Variants in SS18 observed in about 807,000 individuals in gnomAD.
The protein encoded by SS18 is SS18 subunit of BAF chromatin remodeling complex.
Under a neutral mutation model 72.5 loss-of-function variants are expected in SS18, and 28 were observed. The observed-to-expected ratio is 0.39, with a 90% CI of 0.29 to 0.53. The LOEUF (loss-of-function observed/expected upper bound fraction) is 0.53. Ranked by LOEUF, SS18 falls within the 20% of genes least tolerant of loss-of-function variation. The pLI, the probability that SS18 is intolerant of heterozygous loss-of-function variation, is 0.76. For missense variants in SS18, 518 were observed against 535.3 expected, an observed-to-expected ratio of 0.97 and a Z score of 0.32; for synonymous variants, 172 against 164.2, an observed-to-expected ratio of 1.05 and a Z score of -0.37.
chr18:26,025,044 T>C (rs1449001211), intron 10 of SS18, among the ~76,000 whole-genome samples: 1 of 152,070 alleles, frequency 6.6e-6, no homozygotes, highest in African/African-American at 2.4e-5. Flanking sequence ...GAGCAAAAAA[T>C]ATTGGCAGGG....
intron 10 of SS18, among the ~76,000 whole-genome samples, chr18:26,021,026 T>C (rs1247471947): frequency 6.6e-6 from 1 of 152,168 alleles, no homozygotes; most frequent in East Asian, 1.9e-4. Flanking sequence ...ATTACCTCCA[T>C]TTTATAGAAG....
chr18:26,045,213 C>G (rs746579365), intron 5 of SS18, among the ~76,000 whole-genome samples: 1 of 152,138 alleles, frequency 6.6e-6, no homozygotes, highest in Non-Finnish European at 1.5e-5. Context: ...TTTTTGAAAA[C>G]CATATATTCA....
At chr18:26,028,049 C>A (rs2053481393) in intron 10 of SS18, among the ~76,000 whole-genome samples, 1 of 151,822 alleles carries the variant, frequency 6.6e-6, no homozygotes. Flanking sequence ...CAAATGATAC[C>A]TGATTAAGGA....
At chr18:26,088,559 C>G (rs1415416440) in intron 1 of SS18, among the ~76,000 whole-genome samples, 1 of 152,162 alleles carries the variant, frequency 6.6e-6, no homozygotes, top group African/African-American at 2.4e-5. Flanking sequence ...TTTTAACATT[C>G]CAAGCAATCT....
intron 10 of SS18, among the ~76,000 whole-genome samples, chr18:26,025,691 T>C (rs1225957418): frequency 6.6e-6 from 1 of 152,088 alleles, no homozygotes; most frequent in Non-Finnish European, 1.5e-5. Context: ...AAATTTATAA[T>C]TTAAAAATTT....
intron 4 of SS18, among the ~76,000 whole-genome samples, chr18:26,056,813 C>T (rs2054030426): frequency 6.6e-6 from 1 of 152,090 alleles, no homozygotes; most frequent in Non-Finnish European, 1.5e-5. Flanking sequence ...AGATAATATT[C>T]TACCAAAAAT....
At chr18:26,032,736 A>G (rs1028762506) in intron 9 of SS18, among the ~76,000 whole-genome samples, 11 of 152,230 alleles carry the variant, frequency 7.2e-5, no homozygotes, top group African/African-American at 2.7e-4. Context: ...TTACTTCACT[A>G]TAATTATCGT....
At chr18:26,080,724 C>T (rs548005909) in intron 2 of SS18, among the ~76,000 whole-genome samples, 1 of 152,174 alleles carries the variant, frequency 6.6e-6, no homozygotes, top group African/African-American at 2.4e-5. Context: ...TATTTTTTCT[C>T]CCAGATTCTC....
chr18:26,026,938 T>C (rs567431151), intron 10 of SS18, among the ~76,000 whole-genome samples: 4 of 152,308 alleles, frequency 2.6e-5, no homozygotes, highest in Admixed American at 1.3e-4. Context: ...GTGAAAATTA[T>C]ATGACACTGT....
At chr18:26,071,237 C>A (rs1228931571) in intron 3 of SS18, among the ~76,000 whole-genome samples, 3 of 152,078 alleles carry the variant, frequency 2.0e-5, no homozygotes, top group African/African-American at 7.2e-5. Context: ...TGTCAGAAAT[C>A]CCAACAGGCA....
chr18:26,027,422 G>A (rs2053464540), intron 10 of SS18, among the ~76,000 whole-genome samples: 1 of 152,120 alleles, frequency 6.6e-6, no homozygotes. Context: ...GCCGAAGCAG[G>A]CGGATCACGA....
intron 10 of SS18, among the ~76,000 whole-genome samples, chr18:26,026,487 A>G (rs2053449276): frequency 6.6e-6 from 1 of 152,118 alleles, no homozygotes; most frequent in African/African-American, 2.4e-5. Context: ...GAAATATAAC[A>G]CCTGATAAAG....
intron 1 of SS18, among the ~76,000 whole-genome samples, chr18:26,087,856 ATAATT>A (rs1395824393): frequency 6.6e-6 from 1 of 152,236 alleles, no homozygotes; most frequent in Non-Finnish European, 1.5e-5. Flanking sequence ...AATAACAAAT[ATAATT>A]TAAAGCAACA....
At chr18:26,027,703 A>AAAAAAAAAAAAAAAAAAAAAAAAAAGAC (rs1555643837) in intron 10 of SS18, among the ~76,000 whole-genome samples, 1 of 124,698 alleles carries the variant, frequency 8.0e-6, no homozygotes, top group African/African-American at 3.6e-5. Flanking sequence ...AAAAAAAAAA[A>AAAAAAAAAAAAAAAAAAAAAAAAAAGAC]AGTCTTTTCA....
At chr18:26,080,289 A>C in intron 2 of SS18, 1 of 971,372 alleles carries the variant, frequency 1.0e-6, no homozygotes, top group Non-Finnish European at 1.2e-6. Context: ...AGCCATTTTT[A>C]ATTAGAACAC....
At chr18:26,044,121 GAC>G (rs1295827231) in intron 5 of SS18, among the ~76,000 whole-genome samples, 2 of 152,112 alleles carry the variant, frequency 1.3e-5, no homozygotes, top group East Asian at 3.9e-4. Flanking sequence ...AACAGAATAA[GAC>G]ACAGTTCTTC....
At chr18:26,081,035 T>G (rs551651983) in intron 2 of SS18, among the ~76,000 whole-genome samples, 1 of 123,956 alleles carries the variant, frequency 8.1e-6, no homozygotes, top group Non-Finnish European at 1.6e-5. Flanking sequence ...TAGGTAAAAA[T>G]GAAAAATTTT....
Position 26,048,732 on chromosome 18 carries a change from A to G in SS18, c.607+3892T>C, listed in dbSNP as rs115272027. ...CAAAGAGTACACTGACAGAAAGCAC[A>G]GTGTTTTGAAGATATTGTCATTTGC... is the stretch of plus-strand genomic sequence containing the variant. On this transcript the variant is annotated intron_variant, in intron 5 of 10. Coordinates refer to ENST00000415083, the MANE Select transcript of SS18 (RefSeq NM_001007559.3). 5.7e-3 allele frequency among the ~76,000 whole-genome samples: 861 copies of G among 152,274 alleles called. 7 individuals carry two copies. Among genetic ancestry groups the G allele is most frequent in the Middle Eastern group, 0.02 (6 of 294 alleles).
chr18:26,071,574 C>A (rs952672623), intron 3 of SS18, among the ~76,000 whole-genome samples: 3 of 152,104 alleles, frequency 2.0e-5, no homozygotes, highest in Non-Finnish European at 4.4e-5. Context: ...CTCATGCCTA[C>A]AATCCCAGAA....
Sources: gnomAD v4.1 joint callset for allele counts (sites outside exome capture counted in the v4.1 genomes callset) on GRCh38, gnomAD v4.1.1 for gene constraint, MANE v1.5 for transcripts, NCBI Gene and HGNC (gene_info 2026-07-23, HGNC 2026-07-21) for gene names.